Variants in CEBPZ observed in about 807,000 individuals in gnomAD.
CEBPZ encodes CCAAT/enhancer-binding protein zeta.
CEBPZ carries 78 observed loss-of-function variants against 104.5 expected under a neutral mutation model. The observed-to-expected ratio is 0.75, with a 90% CI of 0.62 to 0.90. The LOEUF is 0.90. Ranked by LOEUF, CEBPZ falls within the 40% of genes least tolerant of loss-of-function variation. The probability of loss-of-function intolerance (pLI) is 0.00; values close to 1 mark genes in which losing one functional copy is unlikely to be tolerated. For synonymous variants in CEBPZ, 470 were observed against 427.0 expected, an observed-to-expected ratio of 1.10 and a Z score of -1.24; for missense variants, 1,439 against 1,233.5, an observed-to-expected ratio of 1.17 and a Z score of -2.50.
At chr2:37,210,867 A>T (rs963462406) in intron 13 of CEBPZ, 132 bp downstream of exon 13, 5 of 500,108 alleles carry the variant, frequency 1.0e-5, no homozygotes, top group Non-Finnish European at 1.7e-5. Context: ...TCCACTTAAC[A>T]TCTTTCTTAA....
intron 13 of CEBPZ, chr2:37,204,036 T>C (rs1677418666): frequency 6.6e-6 from 1 of 152,214 alleles, no homozygotes. Flanking sequence ...ATAAAATAGT[T>C]TCTAAAACAT....
chr2:37,218,832 A>C (rs1234813584), intron 5 of CEBPZ, among the ~76,000 whole-genome samples: 2 of 152,238 alleles, frequency 1.3e-5, no homozygotes, highest in Non-Finnish European at 2.9e-5. Flanking sequence ...AGATCGCGCC[A>C]CTGCATTCCA....
rs1385932508 is a variant in CEBPZ at position 37,201,859 on chromosome 2, G to A, written c.3070C>T (p.His1024Tyr). Residue 1024 changes from histidine to tyrosine, a missense_variant, in exon 16 of 16, where the codon CAC (histidine) becomes TAC (tyrosine). By Grantham distance (83) the His-to-Tyr change is moderately conservative (BLOSUM62 2). Transcript: ENST00000234170. ...ATGATACTTTTTGCATCTCTGTTGTGTAGCCAGTCATCACGTTCAGCCTCC... is the reference window on the plus strand; with the variant it reads ...ATGATACTTTTTGCATCTCTGTTGTATAGCCAGTCATCACGTTCAGCCTCC... ...RWEAERDDWL[H>Y]NRDAKSIIKK... 1.2e-6 allele frequency: 2 copies of A among 1,613,268 alleles called. No individual in the cohort carries two copies. The highest frequency in any genetic ancestry group is 2.2e-5 in the East Asian group (1 of 44,862).
At chr2:37,226,205 C>T (rs960318744) in intron 2 of CEBPZ, among the ~76,000 whole-genome samples, 4 of 151,976 alleles carry the variant, frequency 2.6e-5, no homozygotes, top group Non-Finnish European at 5.9e-5. Context: ...TACTTTGTCT[C>T]TGTGTCTTTT....
rs747385188 is a variant in CEBPZ, at chr2:37,223,370, AAC to A, written c.1679_1680del (p.Cys560PhefsTer8). The A allele has an allele frequency of 6.2e-7, 1 of 1,614,204 alleles. No individual in the cohort carries two copies. The highest frequency in any genetic ancestry group is 1.1e-5 in the South Asian group (1 of 91,084). On this transcript the variant is annotated frameshift_variant, in exon 3 of 16. Transcript: ENST00000234170. LOFTEE classifies it high-confidence loss of function. The stretch of plus-strand genomic sequence containing the variant: ...AGGTTAAGAAACATAGCTTGCTTGG[AAC>A]ACGTCATCAACCCTGGATCCAACAT... ...RKMLDPGLMT[C>X]SKQAMFLNLV...
Position 37,223,357 on chromosome 2 carries a change from A to ACG in CEBPZ, c.1693_1694insCG (p.Met565ThrfsTer11). ...AGATTTGTAGACAAGGTTAAGAAAC[A>ACG]TAGCTTGCTTGGAACACGTCATCAA... is the stretch of plus-strand genomic sequence containing the variant. On this transcript the variant is annotated frameshift_variant, in exon 3 of 16. Coordinates refer to ENST00000234170, the MANE Select transcript of CEBPZ (RefSeq NM_005760.3). LOFTEE classifies it high-confidence loss of function. The ACG allele has an allele frequency of 6.2e-7, 1 of 1,614,200 alleles. No homozygotes were observed. The highest frequency in any genetic ancestry group is 1.1e-5 in the South Asian group (1 of 91,076).
intron 2 of CEBPZ, 78 bp from the exon 3 acceptor site, chr2:37,223,479 A>C (rs1056117996): frequency 3.3e-6 from 4 of 1,226,888 alleles, no homozygotes; most frequent in African/African-American, 1.5e-5. Context: ...AGAAATAGCT[A>C]CTAACCTCAT....
At chr2:37,225,027 C>A (rs1400455056) in intron 2 of CEBPZ, among the ~76,000 whole-genome samples, 1 of 147,694 alleles carries the variant, frequency 6.8e-6, no homozygotes, top group Non-Finnish European at 1.5e-5. Context: ...AATAATGAAA[C>A]CACCCCCCTT....
intron 15 of CEBPZ, 91 bp downstream of exon 15, chr2:37,202,676 AAAAAAAAAAAAAAAAAG>A: frequency 4.7e-6 from 1 of 213,628 alleles, no homozygotes; most frequent in Non-Finnish European, 8.3e-6. Context: ...AAAAAAAAAA[AAAAAAAAAAAAAAAAAG>A]AATAAATAAA....
At chr2:37,218,507 T>G (rs1189011118) in intron 5 of CEBPZ, among the ~76,000 whole-genome samples, 2 of 152,326 alleles carry the variant, frequency 1.3e-5, no homozygotes, top group South Asian at 4.1e-4. Flanking sequence ...AAACCAAAGA[T>G]TAGTTGTAAT....
chr2:37,207,986 A>C (rs1677595560), intron 13 of CEBPZ, among the ~76,000 whole-genome samples: 1 of 152,194 alleles, frequency 6.6e-6, no homozygotes, highest in Non-Finnish European at 1.5e-5. Context: ...GATACCACAG[A>C]AATACAAAAG....
chr2:37,207,909 A>C (rs1319344489), intron 13 of CEBPZ, among the ~76,000 whole-genome samples: 1 of 152,180 alleles, frequency 6.6e-6, no homozygotes, highest in Non-Finnish European at 1.5e-5. Context: ...TAGCAAGATT[A>C]ACCAAAAAAA....
Position 37,216,138 on chromosome 2 carries a change from A to G in CEBPZ, c.2380+2T>C, listed in dbSNP as rs372723969. The G allele has an allele frequency of 2.6e-5, 42 of 1,605,698 alleles. No individual in the cohort carries two copies. Among genetic ancestry groups the G allele is most frequent in the Non-Finnish European group, 3.2e-5 (37 of 1,173,968 alleles). ...TTTCAACTGTCTAAGGTTTATACTT[A>G]CCAGGAAGATGACGAATATCCTTAA... On this transcript the variant is annotated splice_donor_variant, in intron 8 of 15. Transcript: ENST00000234170. LOFTEE classifies it high-confidence loss of function.
intron 9 of CEBPZ, among the ~76,000 whole-genome samples, chr2:37,214,470 A>G: frequency 6.6e-6 from 1 of 152,142 alleles, no homozygotes; most frequent in East Asian, 1.9e-4. Context: ...TTAAAGTATT[A>G]TATTAAAATC....
intron 2 of CEBPZ, among the ~76,000 whole-genome samples, chr2:37,224,443 T>G (rs1478699388): frequency 6.6e-6 from 1 of 152,208 alleles, no homozygotes; most frequent in Non-Finnish European, 1.5e-5. Flanking sequence ...ACACTAGAAA[T>G]GAAAAATACT....
intron 8 of CEBPZ, 55 bp downstream of exon 8, chr2:37,216,085 G>A: frequency 8.3e-7 from 1 of 1,208,764 alleles, no homozygotes. Flanking sequence ...TACAATTTAT[G>A]CATCTTTGTC....
intron 6 of CEBPZ, 33 bp downstream of exon 6, chr2:37,216,951 T>C (rs1558473547): frequency 6.5e-6 from 10 of 1,548,870 alleles, no homozygotes; most frequent in African/African-American, 1.4e-5. Flanking sequence ...CTTTTTTTCT[T>C]ATTTCTCATC....
chr2:37,222,426 G>T lies in CEBPZ; in HGVS notation c.2019C>A (p.Thr673=). The T allele has an allele frequency of 6.3e-7, 1 of 1,597,492 alleles. No individual in the cohort carries two copies. Among genetic ancestry groups the T allele is most frequent in the Admixed American group, 1.8e-5 (1 of 56,338 alleles). The part of the protein sequence containing the change: ...EETVPETDVE[T]KKPEVASWVH... ...CCCAGGAAGCAACCTCTGGTTTTTTGGTTTCTACATCAGTTTCAGGAACTG... is the reference window on the plus strand; with the variant it reads ...CCCAGGAAGCAACCTCTGGTTTTTTTGTTTCTACATCAGTTTCAGGAACTG... The change falls in exon 4 of 16, where the codon ACC becomes ACA. Residue 673 remains threonine (T), a synonymous_variant. Transcript: ENST00000234170.
At chr2:37,230,910 C>G (rs1425996252) in intron 1 of CEBPZ, among the ~76,000 whole-genome samples, 1 of 152,150 alleles carries the variant, frequency 6.6e-6, no homozygotes, top group Non-Finnish European at 1.5e-5. Flanking sequence ...ATCGTCCTTC[C>G]TTGTTTTATT....
Sources: gnomAD v4.1 joint callset for allele counts (sites outside exome capture counted in the v4.1 genomes callset) on GRCh38, gnomAD v4.1.1 for gene constraint, MANE v1.5 for transcripts, NCBI Gene and HGNC (gene_info 2026-07-23, HGNC 2026-07-21) for gene names.